Variants in RAG1 observed in about 807,000 individuals in gnomAD.
The protein encoded by RAG1 is V(D)J recombination-activating protein 1.
A neutral mutation model predicts 62.7 loss-of-function variants in RAG1; 35 were observed. That is an observed-to-expected ratio of 0.56 (90% confidence interval 0.43 to 0.74). The LOEUF (loss-of-function observed/expected upper bound fraction) is 0.74. Among genes scored for constraint, RAG1 ranks in the 30% least tolerant of loss-of-function variants. RAG1 has a pLI of 0.00. For synonymous variants in RAG1, 461 were observed against 470.3 expected, an observed-to-expected ratio of 0.98 and a Z score of 0.26; for missense variants, 1,169 against 1,278.6, an observed-to-expected ratio of 0.91 and a Z score of 1.31.
At position 36,578,877 on chromosome 11, in the gene RAG1, T is replaced by C. The variant is rs556951104; in HGVS notation, c.*2441T>C. 6.6e-5 allele frequency: 11 copies of C among 167,210 alleles called. No individual in the cohort carries two copies. The highest frequency in any genetic ancestry group is 5.9e-4 in the Admixed American group (9 of 15,302). 10.4% of individuals were successfully genotyped at this position (167,210 alleles called of 1,614,324 possible). ...TTCACCACACTGAATCGAGCATTTGTGTGTGTATGTGTGAAGTATATACTG... is the reference window on the plus strand; with the variant it reads ...TTCACCACACTGAATCGAGCATTTGCGTGTGTATGTGTGAAGTATATACTG... On this transcript the variant is annotated 3_prime_UTR_variant, in exon 2 of 2. Transcript: ENST00000299440.
chr11:36,520,627 GTATC>G (rs144773217), intron 2 of RAG1, among the ~76,000 whole-genome samples: 1,865 of 152,288 alleles, frequency 0.012, 33 homozygotes, highest in African/African-American at 0.043. Context: ...AAAGGTTACA[GTATC>G]TATCCAGTAA....
In RAG1 at chr11:36,574,219, G is replaced by A; in HGVS notation, c.915G>A (p.Glu305=). The part of the protein sequence containing the change: ...ICEHILADPV[E]TNCKHVFCRV... ...AACACATTCTGGCTGACCCTGTGGA[G>A]ACCAACTGTAAGCATGTCTTTTGCC... Residue 305 remains glutamate, a synonymous_variant, in exon 2 of 2, where the codon GAG becomes GAA. Transcript: ENST00000299440. 6.2e-7 allele frequency: 1 copy of A among 1,614,182 alleles called. No homozygotes were observed. Among genetic ancestry groups the A allele is most frequent in the Non-Finnish European group, 8.5e-7 (1 of 1,180,036 alleles).
chr11:36,537,450 AT>A (rs1356839478), downstream of RAG1, among the ~76,000 whole-genome samples: 1 of 152,140 alleles, frequency 6.6e-6, no homozygotes, highest in African/African-American at 2.4e-5. Flanking sequence ...ATCAATTTAT[AT>A]TTTTTTAATC....
At chr11:36,530,105 G>A (rs1860230447) in intron 2 of RAG1, among the ~76,000 whole-genome samples, 1 of 151,930 alleles carries the variant, frequency 6.6e-6, no homozygotes, top group Non-Finnish European at 1.5e-5. Context: ...ATTTATATGT[G>A]CAGAGTTGTT....
downstream of RAG1, among the ~76,000 whole-genome samples, chr11:36,538,361 G>T (rs931541981): frequency 5.3e-5 from 8 of 152,144 alleles, no homozygotes; most frequent in Admixed American, 5.2e-4. Flanking sequence ...TGGGTGTAAA[G>T]CCCAAATCTA....
chr11:36,515,233 A>G (rs573927943), intron 1 of RAG1, among the ~76,000 whole-genome samples: 4 of 152,214 alleles, frequency 2.6e-5, no homozygotes, highest in Non-Finnish European at 4.4e-5. Flanking sequence ...AGATACGCTA[A>G]CCTTTTATGA....
At chr11:36,544,461 G>GTCTAGT (rs1441262999) in intron 3 of RAG1, among the ~76,000 whole-genome samples, 2 of 152,146 alleles carry the variant, frequency 1.3e-5, no homozygotes, top group Non-Finnish European at 2.9e-5. Flanking sequence ...TTTCTCTCTA[G>GTCTAGT]TCTAGTTCCC....
chr11:36,557,495 C>T (rs1407712690), intron 3 of RAG1, among the ~76,000 whole-genome samples: 1 of 149,044 alleles, frequency 6.7e-6, no homozygotes, highest in Middle Eastern at 3.2e-3. Flanking sequence ...CACACACTGG[C>T]CTGCGCCCAC....
chr11:36,532,658 T>C (rs2133257286), intron 2 of RAG1, among the ~76,000 whole-genome samples: 1 of 152,302 alleles, frequency 6.6e-6, no homozygotes, highest in South Asian at 2.1e-4. Flanking sequence ...CTGAGAAGTG[T>C]GATGAAATCT....
At chr11:36,538,230 G>A (rs1032290835), downstream of RAG1, among the ~76,000 whole-genome samples, 7 of 152,260 alleles carry the variant, frequency 4.6e-5, no homozygotes, top group East Asian at 1.4e-3. Flanking sequence ...CCTTGAAAGA[G>A]GAGAATTCTA....
intron 2 of RAG1, among the ~76,000 whole-genome samples, chr11:36,523,320 C>T (rs888275210): frequency 2.6e-5 from 4 of 152,114 alleles, no homozygotes; most frequent in African/African-American, 7.2e-5. Flanking sequence ...TAAGTTCTGA[C>T]GGTTTTAAAA....
chr11:36,573,493 A>G lies in RAG1; in HGVS notation c.189A>G (p.Pro63=), dbSNP rs34357808. The part of the protein sequence containing the change: ...FEGKPSLEQS[P]AVLDKADGQK... ...GGAAACCCTCTCTGGAGCAATCTCC[A>G]GCAGTCCTGGACAAGGCTGATGGTC... Residue 63 remains proline, a synonymous_variant, in exon 2 of 2, where the codon CCA becomes CCG. Coordinates refer to ENST00000299440, the MANE Select transcript of RAG1 (RefSeq NM_000448.3). 2.6e-3 allele frequency: 4,246 copies of G among 1,614,232 alleles called. 90 individuals are homozygous for G. In the African/African-American group the frequency reaches 0.044, roughly 17 times the overall value.
rs367725290 is a variant in RAG1 at position 36,573,622 on chromosome 11, C to A, written c.318C>A (p.Asn106Lys). 41 of 1,614,200 alleles carry A rather than the reference C, an allele frequency of 2.5e-5. No homozygotes were observed. The highest frequency in any genetic ancestry group is 1.5e-4 in the African/African-American group (11 of 75,054). Residue 106 changes from asparagine to lysine, a missense_variant, in exon 2 of 2, where the codon AAC becomes AAA. This residue lies in a region of RAG1 where 369 missense variants were observed against 335.3 expected (regional missense o/e 1.10). Coordinates refer to ENST00000299440, the MANE Select transcript of RAG1 (RefSeq NM_000448.3). The stretch of plus-strand genomic sequence containing the variant: ...GAGGCAAAGCGATCCATCAAGCCAA[C>A]CTTCGACATCTCTGCCGCATCTGTG... ...KARGKAIHQA[N>K]LRHLCRICGN...
At chr11:36,539,298 A>G (rs966024965), downstream of RAG1, among the ~76,000 whole-genome samples, 3 of 152,166 alleles carry the variant, frequency 2.0e-5, no homozygotes, top group Non-Finnish European at 4.4e-5. Flanking sequence ...AAGAGAAACC[A>G]GGCCTGCTGA....
At chr11:36,543,249 C>T (rs1850338288) in intron 3 of RAG1, among the ~76,000 whole-genome samples, 1 of 152,168 alleles carries the variant, frequency 6.6e-6, no homozygotes, top group South Asian at 2.1e-4. Flanking sequence ...TCTGACTGTA[C>T]CTCTGCCTCC....
chr11:36,564,087 T>G (rs1198703180), upstream of RAG1, among the ~76,000 whole-genome samples: 1 of 152,232 alleles, frequency 6.6e-6, no homozygotes, highest in Non-Finnish European at 1.5e-5. Flanking sequence ...AGAAAGGATA[T>G]TTAGCAATCT....
rs4151032 is a variant in RAG1, at chr11:36,574,877, C to T, written c.1573C>T (p.Pro525Ser). 1.1e-3 allele frequency: 1,818 copies of T among 1,614,238 alleles called. 24 individuals carry two copies. The South Asian group carries it at 0.017, about 15-fold the overall frequency. The change falls in exon 2 of 2, where the codon CCT (proline) becomes TCT (serine). Residue 525 changes from proline (P) to serine (S), a missense_variant. Transcript: ENST00000299440. ...CTACCACCACTTTGAGTGGCAGCCA[C>T]CTCTGAAGAATGTGTCTTCCAGCAC... The part of the protein sequence containing the change: ...PGYHHFEWQP[P>S]LKNVSSSTDV...
At chr11:36,511,745 A>T (rs897803480) in intron 1 of RAG1, among the ~76,000 whole-genome samples, 4 of 152,234 alleles carry the variant, frequency 2.6e-5, no homozygotes, top group African/African-American at 9.6e-5. Context: ...AGCTCCTCTT[A>T]AAAATTAAAT....
At chr11:36,516,048 G>T (rs1224951113) in intron 1 of RAG1, among the ~76,000 whole-genome samples, 1 of 152,164 alleles carries the variant, frequency 6.6e-6, no homozygotes, top group Non-Finnish European at 1.5e-5. Context: ...GAAAGGGGAA[G>T]GTGGGCACAT....
Sources: allele counts gnomAD v4.1 joint callset (sites outside exome capture counted in the v4.1 genomes callset), GRCh38; gene constraint gnomAD v4.1.1; regional missense constraint gnomAD v4.1.1; transcripts MANE v1.5; gene names NCBI Gene and HGNC (gene_info 2026-07-23, HGNC 2026-07-21).